The following ACTL8 variants were observed in gnomAD, a reference collection of about 807,000 sequenced individuals.
The protein encoded by ACTL8 is actin like 8.
A neutral mutation model predicts 9.3 loss-of-function variants in ACTL8; 3 were observed. The ratio of observed to expected loss-of-function variants is 0.32; its 90% CI spans 0.15 to 0.83. The LOEUF (loss-of-function observed/expected upper bound fraction) is 0.83. Ranked by LOEUF, ACTL8 falls within the 40% of genes least tolerant of loss-of-function variation. ACTL8 has a pLI of 0.57. For synonymous variants in ACTL8, 224 were observed against 205.9 expected, an observed-to-expected ratio of 1.09 and a Z score of -0.75; for missense variants, 381 against 492.2, an observed-to-expected ratio of 0.77 and a Z score of 2.14.
At chr1:17,783,367 A>G (rs2354845) in intron 1 of ACTL8, among the ~76,000 whole-genome samples, 1 of 137,710 alleles carries the variant, frequency 7.3e-6, no homozygotes, top group Admixed American at 8.1e-5. Flanking sequence ...TTTTTTTTAA[A>G]AAAACTCCAG....
Position 17,827,034 on chromosome 1 carries a change from T to C in ACTL8, c.*515T>C, listed in dbSNP as rs2053729430. On this transcript the variant is annotated 3_prime_UTR_variant, in exon 3 of 3. Transcript: ENST00000375406. Reference sequence around the variant, plus strand: ...ACCCGTGGTTGGATCTTGTTTTATATCTGCAAATAAATAGCTTGTTTGGAA... The same window carrying C: ...ACCCGTGGTTGGATCTTGTTTTATACCTGCAAATAAATAGCTTGTTTGGAA... The C allele has an allele frequency of 6.6e-6, 1 of 152,540 alleles. No homozygotes were observed. The highest frequency in any genetic ancestry group is 2.4e-5 in the African/African-American group (1 of 41,426). The allele number at this position is 152,540 out of a possible 1,614,324, so 9.4% of individuals were successfully genotyped here.
intron 1 of ACTL8, among the ~76,000 whole-genome samples, chr1:17,806,691 A>G (rs555106): frequency 0.49 from 75,116 of 152,024 alleles, 19,009 homozygotes; most frequent in East Asian, 0.68. Context: ...TCAGGAGGAC[A>G]TCCACACAGG....
At position 17,823,420 on chromosome 1, in the gene ACTL8, T is replaced by G; in HGVS notation, c.348+64T>G. The G allele has an allele frequency of 6.9e-7, 1 of 1,442,934 alleles. No homozygotes were observed. Among genetic ancestry groups the G allele is most frequent in the Non-Finnish European group, 9.4e-7 (1 of 1,067,500 alleles). The allele number at this position is 1,442,934 out of a possible 1,614,324, so 89.4% of individuals were successfully genotyped here. A position where few individuals can be genotyped will look rare whatever the true frequency, so the allele number is the denominator to read the frequency against. On this transcript the variant is annotated intron_variant, in intron 2 of 2. Transcript: ENST00000375406. This position sits in a 1 kb window ranked among gnomAD's most constrained non-coding sequence, Gnocchi z 5.3. ...AAACAGACTGACACTATGTCTGGACTGATTGGGCACCAGGAATTCTGCTTT... is the reference window on the plus strand; with the variant it reads ...AAACAGACTGACACTATGTCTGGACGGATTGGGCACCAGGAATTCTGCTTT...
intron 1 of ACTL8, among the ~76,000 whole-genome samples, chr1:17,791,239 G>T (rs890460299): frequency 2.6e-5 from 4 of 152,164 alleles, no homozygotes; most frequent in Admixed American, 6.5e-5. Flanking sequence ...CCCAGCTCCC[G>T]CCAGCTCCAC....
chr1:17,826,351 G>A lies in ACTL8; in HGVS notation c.933G>A (p.Leu311=), dbSNP rs1440869533. ...NTLYPGFTKR[L]FRELMGDHVS... ...TCTATCCCGGGTTCACAAAGCGCCT[G>A]TTCAGGGAGCTGATGGGGGATCACG... Residue 311 remains leucine, a synonymous_variant, in exon 3 of 3, where the codon CTG becomes CTA. Transcript: ENST00000375406. The surrounding 1 kb of genome is among the most constrained non-coding windows in gnomAD (Gnocchi z 4.5). 1 of 1,614,102 alleles carries A rather than the reference G, an allele frequency of 6.2e-7. No homozygotes were observed. Among genetic ancestry groups the A allele is most frequent in the Non-Finnish European group, 8.5e-7 (1 of 1,180,014 alleles).
intron 1 of ACTL8, among the ~76,000 whole-genome samples, chr1:17,761,626 A>C (rs1215449190): frequency 1.3e-5 from 2 of 151,838 alleles, no homozygotes; most frequent in African/African-American, 4.8e-5. Context: ...GCTGGAGTGC[A>C]GTGGTGTGAT....
chr1:17,824,162 G>T (rs1335014726), intron 2 of ACTL8, among the ~76,000 whole-genome samples: 1 of 152,166 alleles, frequency 6.6e-6, no homozygotes. Flanking sequence ...GAGGAGGCTG[G>T]GCCTTGTAGG....
chr1:17,763,978 C>T (rs1167845895), intron 1 of ACTL8, among the ~76,000 whole-genome samples: 1 of 151,996 alleles, frequency 6.6e-6, no homozygotes, highest in South Asian at 2.1e-4. Flanking sequence ...GATCTAGTGC[C>T]TTCTATCATG....
intron 1 of ACTL8, among the ~76,000 whole-genome samples, chr1:17,813,688 C>T (rs925085503): frequency 3.3e-5 from 5 of 152,018 alleles, no homozygotes; most frequent in African/African-American, 4.8e-5. Flanking sequence ...GATTGTGTAC[C>T]GTTAGTATTA....
intron 1 of ACTL8, among the ~76,000 whole-genome samples, chr1:17,765,664 C>T (rs576303885): frequency 3.9e-5 from 6 of 152,316 alleles, no homozygotes; most frequent in South Asian, 2.1e-4. Context: ...CCTCGTAGCA[C>T]GTCACCCGGC....
rs903113619 is a variant in ACTL8, at chr1:17,823,747, A to G, written c.348+391A>G. ...TGTCTCAAAAAAACAAACAAACAAA[A>G]AAACCCAACAGAAACCAACAAATTG... On this transcript the variant is annotated intron_variant, in intron 2 of 2. Transcript: ENST00000375406. The surrounding 1 kb of genome is among the most constrained non-coding windows in gnomAD (Gnocchi z 5.3). 1.3e-5 allele frequency among the ~76,000 whole-genome samples: 2 copies of G among 151,858 alleles called. No individual in the cohort carries two copies. Among genetic ancestry groups the G allele is most frequent in the Non-Finnish European group, 2.9e-5 (2 of 67,912 alleles).
intron 1 of ACTL8, among the ~76,000 whole-genome samples, chr1:17,759,806 G>T (rs1030378631): frequency 3.3e-5 from 5 of 152,148 alleles, no homozygotes; most frequent in African/African-American, 1.2e-4. Context: ...TGGGGTGGGG[G>T]ACTTTTGCTT....
chr1:17,819,737 T>C (rs934364173), intron 1 of ACTL8, among the ~76,000 whole-genome samples: 2 of 152,244 alleles, frequency 1.3e-5, no homozygotes, highest in African/African-American at 2.4e-5. Flanking sequence ...CCTTAAAATT[T>C]TTTTTTACTA....
At chr1:17,763,520 G>A (rs2102674295) in intron 1 of ACTL8, among the ~76,000 whole-genome samples, 1 of 152,230 alleles carries the variant, frequency 6.6e-6, no homozygotes, top group Non-Finnish European at 1.5e-5. Context: ...GGGACCCTCG[G>A]CCCCTCCCCG....
rs568777834 is a variant in ACTL8 at position 17,763,395 on chromosome 1, C to A, written c.-25+7891C>A. On this transcript the variant is annotated intron_variant, in intron 1 of 2. Coordinates refer to ENST00000375406, the MANE Select transcript of ACTL8 (RefSeq NM_030812.3). ...TTGGGGTGTGGTCTTTAGAAAGCCTCCCCGGAGGTGCTGGCATCCCTGGTT... is the reference window on the plus strand; with the variant it reads ...TTGGGGTGTGGTCTTTAGAAAGCCTACCCGGAGGTGCTGGCATCCCTGGTT... 7.2e-5 allele frequency among the ~76,000 whole-genome samples: 11 copies of A among 152,220 alleles called. No individual in the cohort carries two copies. The East Asian group carries it at 1.9e-3, about 27-fold the overall frequency.
chr1:17,799,461 T>G (rs549078562), intron 1 of ACTL8, among the ~76,000 whole-genome samples: 1 of 126,266 alleles, frequency 7.9e-6, no homozygotes, highest in South Asian at 2.3e-4. Flanking sequence ...TCTTTTTGTC[T>G]TTTTTTTTTT....
chr1:17,790,373 T>C (rs1314859443), intron 1 of ACTL8, among the ~76,000 whole-genome samples: 1 of 152,174 alleles, frequency 6.6e-6, no homozygotes, highest in Non-Finnish European at 1.5e-5. Flanking sequence ...CATTCAGTGG[T>C]TCCCAAGTTC....
intron 1 of ACTL8, among the ~76,000 whole-genome samples, chr1:17,789,154 A>T (rs1312218777): frequency 6.6e-6 from 1 of 152,254 alleles, no homozygotes; most frequent in African/African-American, 2.4e-5. Context: ...ACATATACAT[A>T]ATCAGAGTTT....
intron 1 of ACTL8, among the ~76,000 whole-genome samples, chr1:17,787,015 A>G (rs1385566745): frequency 1.3e-5 from 2 of 151,950 alleles, no homozygotes; most frequent in Non-Finnish European, 2.9e-5. Flanking sequence ...ACAGTTTTAG[A>G]TAAGTGCATA....
Sources: gnomAD v4.1 joint callset for allele counts (sites outside exome capture counted in the v4.1 genomes callset) on GRCh38, gnomAD v4.1.1 for gene constraint, Gnocchi (gnomAD v3.1) non-coding constraint, MANE v1.5 for transcripts, NCBI Gene and HGNC (gene_info 2026-07-23, HGNC 2026-07-21) for gene names.